Variants in DNAH11 observed in about 807,000 individuals in gnomAD.
The protein encoded by DNAH11 is axonemal beta dynein heavy chain 11.
In DNAH11, 442 loss-of-function variants were observed where a neutral mutation model predicts 526.0. That is an observed-to-expected ratio of 0.84 (90% CI 0.78 to 0.91). The LOEUF (loss-of-function observed/expected upper bound fraction) is 0.91. DNAH11 is among the 40% of genes least tolerant of loss of function. The pLI, the probability that DNAH11 is intolerant of heterozygous loss-of-function variation, is 0.00. For missense variants in DNAH11, 6,989 were observed against 5,448.7 expected, an observed-to-expected ratio of 1.28 and a Z score of -8.90; for synonymous variants, 2,461 against 1,935.9, an observed-to-expected ratio of 1.27 and a Z score of -7.12.
chr7:21,859,057 A>T (rs938267990), intron 68 of DNAH11, among the ~76,000 whole-genome samples: 2 of 152,152 alleles, frequency 1.3e-5, no homozygotes, highest in African/African-American at 4.8e-5. Context: ...TATTGTATAA[A>T]ATTAACTTCA....
intron 57 of DNAH11, 64 bp from the exon 58 acceptor site, chr7:21,784,363 T>G (rs1788081883): frequency 4.7e-6 from 6 of 1,271,902 alleles, no homozygotes; most frequent in African/African-American, 3.0e-5. Flanking sequence ...CAACCTCCAT[T>G]TTTCTTTAGA....
chr7:21,632,636 C>T (rs1169369961), intron 25 of DNAH11, among the ~76,000 whole-genome samples: 3 of 152,166 alleles, frequency 2.0e-5, no homozygotes, highest in Non-Finnish European at 4.4e-5. Flanking sequence ...ACCTTTGTTC[C>T]AGTTCCCAAC....
chr7:21,836,537 C>T (rs1476222705), intron 65 of DNAH11, among the ~76,000 whole-genome samples: 1 of 151,988 alleles, frequency 6.6e-6, no homozygotes, highest in Non-Finnish European at 1.5e-5. Flanking sequence ...AAATGATAAC[C>T]ACATGCAGAA....
At chr7:21,704,658 C>T (rs559939654) in intron 38 of DNAH11, 30 bp downstream of exon 38, 1 of 1,577,114 alleles carries the variant, frequency 6.3e-7, no homozygotes, top group East Asian at 2.2e-5. Context: ...TTCATGGCAG[C>T]TGTTGGGATT....
intron 2 of DNAH11, among the ~76,000 whole-genome samples, chr7:21,550,419 C>A (rs1487715728): frequency 6.6e-6 from 1 of 152,128 alleles, no homozygotes; most frequent in African/African-American, 2.4e-5. Context: ...AGAATTGATC[C>A]TTGGTTTCCA....
intron 55 of DNAH11, among the ~76,000 whole-genome samples, chr7:21,771,247 A>G (rs1252213336): frequency 1.3e-5 from 2 of 152,146 alleles, no homozygotes; most frequent in East Asian, 3.8e-4. Flanking sequence ...GCCCAAATTT[A>G]GTATTACAGA....
intron 7 of DNAH11, among the ~76,000 whole-genome samples, chr7:21,571,491 G>T (rs1583490787): frequency 6.6e-6 from 1 of 152,018 alleles, no homozygotes; most frequent in Non-Finnish European, 1.5e-5. Context: ...TGTTGCCCAG[G>T]TTGGTTTCAA....
intron 8 of DNAH11, 145 bp from the exon 9 acceptor site, chr7:21,581,760 C>T (rs1784313720): frequency 1.7e-6 from 1 of 604,272 alleles, no homozygotes; most frequent in South Asian, 2.1e-5. Flanking sequence ...TCTTGAACTT[C>T]CGTAGAATGC....
intron 28 of DNAH11, among the ~76,000 whole-genome samples, chr7:21,641,417 A>G (rs1250070941): frequency 1.3e-5 from 2 of 152,170 alleles, no homozygotes; most frequent in Non-Finnish European, 2.9e-5. Context: ...AGGGTGGGGT[A>G]TTGAGATGTG....
Position 21,543,401 on chromosome 7 carries a change from T to C in DNAH11, c.156T>C (p.Ser52=), listed in dbSNP as rs1583467779. The change falls in exon 1 of 82, where the codon AGT becomes AGC. Residue 52 remains serine (S), a synonymous_variant. Transcript: ENST00000409508. ...EEEAAARRAR[S]FAQDARVRFL... ...AGGCGGCGGCCAGGAGAGCGCGGAG[T>C]TTCGCCCAAGACGCGCGGGTGCGCT... 6.4e-7 allele frequency: 1 copy of C among 1,552,976 alleles called. No homozygotes were observed. Among genetic ancestry groups the C allele is most frequent in the African/African-American group, 1.4e-5 (1 of 73,278 alleles).
intron 81 of DNAH11, 31 bp from the exon 82 acceptor site, chr7:21,900,975 AC>A: frequency 6.5e-7 from 1 of 1,538,904 alleles, no homozygotes; most frequent in Non-Finnish European, 8.7e-7. Context: ...GCAAGCTGCC[AC>A]ACAATTGCAA....
chr7:21,624,551 C>T (rs1786242665), intron 25 of DNAH11, among the ~76,000 whole-genome samples: 1 of 152,072 alleles, frequency 6.6e-6, no homozygotes, highest in Non-Finnish European at 1.5e-5. Flanking sequence ...CTTTTTATTT[C>T]TTGTCTAGTT....
chr7:21,833,484 G>A (rs1015604484), intron 65 of DNAH11, among the ~76,000 whole-genome samples: 4 of 152,092 alleles, frequency 2.6e-5, no homozygotes, highest in South Asian at 4.1e-4. Context: ...CCTGAGGTCA[G>A]GAGTTCAAGA....
intron 3 of DNAH11, among the ~76,000 whole-genome samples, 182 bp from the exon 4 acceptor site, chr7:21,559,421 G>T (rs979478422): frequency 6.6e-6 from 1 of 152,124 alleles, no homozygotes; most frequent in Non-Finnish European, 1.5e-5. Flanking sequence ...TTTGAGGTTA[G>T]AGATATGTCA....
At chr7:21,759,104 G>T (rs1249086342) in intron 54 of DNAH11, among the ~76,000 whole-genome samples, 1 of 152,214 alleles carries the variant, frequency 6.6e-6, no homozygotes, top group Admixed American at 6.5e-5. Context: ...GCAGGCCCTG[G>T]TGACAAGCAT....
chr7:21,608,628 G>GT (rs1785396474), intron 20 of DNAH11, among the ~76,000 whole-genome samples: 1 of 152,184 alleles, frequency 6.6e-6, no homozygotes, highest in Admixed American at 6.5e-5. Flanking sequence ...AAGGGAGTAG[G>GT]TTAGAGTATG....
At chr7:21,763,187 C>G (rs890842977) in intron 54 of DNAH11, among the ~76,000 whole-genome samples, 3 of 151,504 alleles carry the variant, frequency 2.0e-5, no homozygotes, top group African/African-American at 4.8e-5. Flanking sequence ...ACTAAAAATA[C>G]AAAAATTAGC....
chr7:21,894,510 C>T (rs1475503606), intron 77 of DNAH11, 113 bp from the exon 78 acceptor site: 1 of 1,126,058 alleles, frequency 8.9e-7, no homozygotes, highest in Non-Finnish European at 1.3e-6. Context: ...TTTGCAGGCA[C>T]CTTCGGAAGT....
At chr7:21,588,918 T>C (rs1022479941) in intron 11 of DNAH11, among the ~76,000 whole-genome samples, 1 of 152,188 alleles carries the variant, frequency 6.6e-6, no homozygotes, top group African/African-American at 2.4e-5. Flanking sequence ...TTTTCCTTTT[T>C]CCAATAAATA....
Sources: gnomAD v4.1 joint callset for allele counts (sites outside exome capture counted in the v4.1 genomes callset) on GRCh38, gnomAD v4.1.1 for gene constraint, MANE v1.5 for transcripts, NCBI Gene and HGNC (gene_info 2026-07-23, HGNC 2026-07-21) for gene names.